The following COL19A1 variants were observed in gnomAD, a reference collection of about 807,000 sequenced individuals.
COL19A1 encodes the protein collagen alpha-1(XIX) chain.
COL19A1 carries 159 observed loss-of-function variants against 190.2 expected under a neutral mutation model. The ratio of observed to expected loss-of-function variants is 0.84; its 90% CI spans 0.73 to 0.95. COL19A1 has a LOEUF of 0.95. COL19A1 is among the 40% of genes least tolerant of loss of function. The pLI, the probability that COL19A1 is intolerant of heterozygous loss-of-function variation, is 0.00. For synonymous variants in COL19A1, 509 were observed against 458.9 expected (o/e 1.11, Z -1.39); for missense variants, 1,418 against 1,431.9 (o/e 0.99, Z 0.16).
chr6:70,145,389 T>C (rs1786560748), intron 25 of COL19A1, among the ~76,000 whole-genome samples: 2 of 152,254 alleles, frequency 1.3e-5, no homozygotes, highest in Admixed American at 1.3e-4. Context: ...TGGATATAGC[T>C]AGAGGCCATT....
At chr6:70,010,006 GAATA>G (rs765529603) in intron 11 of COL19A1, among the ~76,000 whole-genome samples, 10 of 152,068 alleles carry the variant, frequency 6.6e-5, no homozygotes, top group African/African-American at 9.7e-5. Context: ...AGAAAATACA[GAATA>G]AATACTTTGT....
intron 2 of COL19A1, among the ~76,000 whole-genome samples, chr6:69,887,101 T>C (rs1035017876): frequency 6.6e-6 from 1 of 152,212 alleles, no homozygotes; most frequent in Non-Finnish European, 1.5e-5. Flanking sequence ...TTTATTACTT[T>C]GAAATCATCA....
chr6:70,149,676 T>A (rs776930173), intron 27 of COL19A1, 28 bp from the exon 28 acceptor site: 1 of 1,610,740 alleles, frequency 6.2e-7, no homozygotes, highest in Admixed American at 1.7e-5. Context: ...TGGTGGAATT[T>A]TAATAATAAA....
chr6:70,027,998 T>G (rs922043766), intron 12 of COL19A1, among the ~76,000 whole-genome samples: 10 of 152,196 alleles, frequency 6.6e-5, no homozygotes, highest in Non-Finnish European at 7.4e-5. Context: ...AATTTCAATA[T>G]CCTCTCTGTG....
intron 46 of COL19A1, 36 bp from the exon 47 acceptor site, chr6:70,188,039 A>C: frequency 2.3e-5 from 37 of 1,608,676 alleles, no homozygotes; most frequent in Non-Finnish European, 2.9e-5. Flanking sequence ...TGATGCTAGA[A>C]GAGATTATTC....
chr6:69,981,844 G>A (rs976739923), intron 11 of COL19A1, among the ~76,000 whole-genome samples: 6 of 151,920 alleles, frequency 3.9e-5, no homozygotes, highest in African/African-American at 1.4e-4. Context: ...TTTAAAATCT[G>A]TCCTAAAATA....
chr6:70,206,782 T>C, intron 49 of COL19A1, 119 bp from the exon 50 acceptor site: 3 of 789,764 alleles, frequency 3.8e-6, no homozygotes, highest in South Asian at 4.0e-5. Flanking sequence ...GCTAATATAC[T>C]ATTTATTTTA....
chr6:70,167,744 T>A (rs995843305), intron 37 of COL19A1, among the ~76,000 whole-genome samples: 6 of 152,346 alleles, frequency 3.9e-5, no homozygotes, highest in African/African-American at 1.4e-4. Flanking sequence ...AATGCATTAG[T>A]GTCTCATCTG....
chr6:70,102,180 GA>G lies in COL19A1; in HGVS notation c.1240del (p.Thr414GlnfsTer44), dbSNP rs757338844. On this transcript the variant is annotated frameshift_variant, in exon 16 of 51. Coordinates refer to ENST00000620364, the MANE Select transcript of COL19A1 (RefSeq NM_001858.6). LOFTEE classifies it high-confidence loss of function. ...GKEGQRGRRG[K>X]TGPPGKPGPP... ...TCTTTGGTTTCAAGGGAAGACGAGGGAAAACAGGACCTCCCGGAAAACCAGG... is the reference window on the plus strand; with the variant it reads ...TCTTTGGTTTCAAGGGAAGACGAGGGAAACAGGACCTCCCGGAAAACCAGG... 5.6e-6 allele frequency: 9 copies of G among 1,612,460 alleles called. No homozygotes were observed. The highest frequency in any genetic ancestry group is 1.7e-6 in the Non-Finnish European group (2 of 1,178,754).
At chr6:70,158,223 G>T (rs1259902313) in intron 34 of COL19A1, among the ~76,000 whole-genome samples, 1 of 152,018 alleles carries the variant, frequency 6.6e-6, no homozygotes, top group Non-Finnish European at 1.5e-5. Flanking sequence ...GGAAATAACG[G>T]ATATAATCTT....
intron 14 of COL19A1, among the ~76,000 whole-genome samples, chr6:70,047,524 T>G (rs1018348395): frequency 6.6e-6 from 1 of 152,086 alleles, no homozygotes; most frequent in Admixed American, 6.6e-5. Flanking sequence ...AAAATTGCAT[T>G]TTATATTAGC....
chr6:70,049,995 G>C (rs1039424249), intron 14 of COL19A1, among the ~76,000 whole-genome samples: 1 of 152,054 alleles, frequency 6.6e-6, no homozygotes, highest in African/African-American at 2.4e-5. Flanking sequence ...CCAATTAACT[G>C]ATTTTAACAA....
chr6:70,070,795 A>T (rs1217051202), intron 15 of COL19A1, among the ~76,000 whole-genome samples: 1 of 152,126 alleles, frequency 6.6e-6, no homozygotes, highest in Non-Finnish European at 1.5e-5. Context: ...GTGTGTATAC[A>T]TACAGATGCA....
At chr6:70,161,977 C>A (rs754784425) in intron 35 of COL19A1, 24 bp downstream of exon 35, 1 of 1,578,942 alleles carries the variant, frequency 6.3e-7, no homozygotes, top group Non-Finnish European at 8.6e-7. Flanking sequence ...AAAACGATTG[C>A]ACTCACAGCT....
chr6:70,084,812 T>A (rs1430634916), intron 15 of COL19A1, among the ~76,000 whole-genome samples: 1 of 152,190 alleles, frequency 6.6e-6, no homozygotes, highest in African/African-American at 2.4e-5. Context: ...CTGATGTATA[T>A]CTGGTTCCTT....
chr6:69,913,654 G>C (rs1298798452), intron 4 of COL19A1, among the ~76,000 whole-genome samples: 2 of 152,174 alleles, frequency 1.3e-5, no homozygotes, highest in African/African-American at 4.8e-5. Flanking sequence ...AATGAACACA[G>C]GTGAGAAGAA....
chr6:70,107,060 C>G (rs996831778), intron 16 of COL19A1, among the ~76,000 whole-genome samples: 1 of 152,154 alleles, frequency 6.6e-6, no homozygotes, highest in Non-Finnish European at 1.5e-5. Flanking sequence ...AAATTATCTT[C>G]ATTTTATAAT....
intron 40 of COL19A1, among the ~76,000 whole-genome samples, chr6:70,169,411 T>A (rs912159438): frequency 6.6e-6 from 1 of 152,160 alleles, no homozygotes; most frequent in Non-Finnish European, 1.5e-5. Flanking sequence ...TACCTAAAGC[T>A]GAAATAAATT....
At chr6:70,070,866 T>C (rs1480155707) in intron 15 of COL19A1, among the ~76,000 whole-genome samples, 1 of 152,084 alleles carries the variant, frequency 6.6e-6, no homozygotes, top group East Asian at 1.9e-4. Context: ...TAGAAAACAA[T>C]AGTGAGAAAA....
Sources: allele counts gnomAD v4.1 joint callset (sites outside exome capture counted in the v4.1 genomes callset), GRCh38; gene constraint gnomAD v4.1.1; transcripts MANE v1.5; gene names NCBI Gene and HGNC (gene_info 2026-07-23, HGNC 2026-07-21).